The following WDR72 variants were observed in gnomAD, a reference collection of about 807,000 sequenced individuals.
WDR72 encodes the protein WD repeat domain 72.
WDR72 carries 120 observed loss-of-function variants against 124.2 expected under a neutral mutation model. The observed-to-expected ratio is 0.97, with a 90% CI of 0.83 to 1.12. The LOEUF (loss-of-function observed/expected upper bound fraction) is 1.12. WDR72 is among the 50% of genes most tolerant of loss of function. WDR72 has a pLI of 0.00. For missense variants in WDR72, 1,387 were observed against 1,278.8 expected (o/e 1.08, Z -1.29); for synonymous variants, 452 against 441.7 (o/e 1.02, Z -0.29).
At chr15:53,732,965 T>C in intron 2 of WDR72, 32 bp downstream of exon 2, 1 of 1,613,790 alleles carries the variant, frequency 6.2e-7, no homozygotes, top group Non-Finnish European at 8.5e-7. Flanking sequence ...TTGTGAGTGG[T>C]GTCTGTTTCA....
chr15:53,659,310 C>G (rs572063213), intron 14 of WDR72, among the ~76,000 whole-genome samples: 1 of 152,158 alleles, frequency 6.6e-6, no homozygotes, highest in African/African-American at 2.4e-5. Flanking sequence ...ATTTGTCACA[C>G]GAGTCAGAAC....
intron 10 of WDR72, among the ~76,000 whole-genome samples, chr15:53,705,590 G>C (rs2017328896): frequency 1.3e-5 from 2 of 152,134 alleles, no homozygotes; most frequent in African/African-American, 4.8e-5. Context: ...AGCCTCCTGA[G>C]TAGCTGGGAT....
chr15:53,540,672 T>C (rs1174519440), intron 18 of WDR72, among the ~76,000 whole-genome samples: 2 of 151,888 alleles, frequency 1.3e-5, no homozygotes, highest in Non-Finnish European at 1.5e-5. Context: ...AGCTCCGGTC[T>C]ACAGCTCCCA....
intron 11 of WDR72, among the ~76,000 whole-genome samples, chr15:53,702,732 G>A (rs2017222572): frequency 6.6e-6 from 1 of 152,090 alleles, no homozygotes; most frequent in Non-Finnish European, 1.5e-5. Flanking sequence ...AATTAGCTAG[G>A]TGTGGTAGCT....
intron 18 of WDR72, among the ~76,000 whole-genome samples, chr15:53,584,161 T>C (rs2012079708): frequency 6.6e-6 from 1 of 151,946 alleles, no homozygotes; most frequent in East Asian, 1.9e-4. Flanking sequence ...CGATTACAGA[T>C]GAATAAAAGG....
intron 14 of WDR72, among the ~76,000 whole-genome samples, chr15:53,645,060 T>C (rs1295657780): frequency 6.6e-6 from 1 of 152,194 alleles, no homozygotes; most frequent in East Asian, 1.9e-4. Context: ...CTTTCAGCAA[T>C]GACTTTACTG....
At chr15:53,737,815 TATATAG>T (rs1228037850) in intron 1 of WDR72, among the ~76,000 whole-genome samples, 2 of 152,156 alleles carry the variant, frequency 1.3e-5, no homozygotes, top group Non-Finnish European at 2.9e-5. Context: ...ATCACAAAAA[TATATAG>T]ATTCCTGCAT....
intron 14 of WDR72, among the ~76,000 whole-genome samples, chr15:53,648,859 T>A (rs3985793): frequency 0.054 from 7,995 of 147,162 alleles, 813 homozygotes; most frequent in African/African-American, 0.21. Flanking sequence ...ATTGACAAGA[T>A]CAAGCTTGTA....
chr15:53,524,811 A>G (rs749314062), intron 18 of WDR72, among the ~76,000 whole-genome samples: 1 of 152,082 alleles, frequency 6.6e-6, no homozygotes, highest in Non-Finnish European at 1.5e-5. Flanking sequence ...TGATCTTTTC[A>G]TTTTCATCCA....
At chr15:53,522,137 T>C (rs1891836326) in intron 19 of WDR72, among the ~76,000 whole-genome samples, 1 of 152,000 alleles carries the variant, frequency 6.6e-6, no homozygotes, top group South Asian at 2.1e-4. Context: ...ACTGCGCCTA[T>C]TGGGGTTCCG....
At chr15:53,657,069 C>A (rs892986741) in intron 14 of WDR72, among the ~76,000 whole-genome samples, 3 of 151,734 alleles carry the variant, frequency 2.0e-5, no homozygotes, top group Non-Finnish European at 4.4e-5. Context: ...TCGAGACCAT[C>A]CTGGCTAACA....
At chr15:53,665,208 T>G (rs1221517438) in intron 14 of WDR72, among the ~76,000 whole-genome samples, 1 of 147,932 alleles carries the variant, frequency 6.8e-6, no homozygotes, top group East Asian at 2.2e-4. Flanking sequence ...ATTTTTTTTT[T>G]GTTTATTTTC....
chr15:53,604,514 CG>C (rs1566979379), intron 17 of WDR72, among the ~76,000 whole-genome samples: 1 of 151,982 alleles, frequency 6.6e-6, no homozygotes, highest in African/African-American at 2.4e-5. Flanking sequence ...TTCTGCACAG[CG>C]AAAGAAACTA....
At chr15:53,626,172 C>A (rs184641587) in intron 14 of WDR72, among the ~76,000 whole-genome samples, 1 of 152,240 alleles carries the variant, frequency 6.6e-6, no homozygotes, top group Non-Finnish European at 1.5e-5. Context: ...TGGTGGCAAG[C>A]CTCGTGTTCT....
At chr15:53,715,811 G>A (rs1012941398) in intron 4 of WDR72, among the ~76,000 whole-genome samples, 1 of 152,136 alleles carries the variant, frequency 6.6e-6, no homozygotes, top group Non-Finnish European at 1.5e-5. Flanking sequence ...GCAAGACCCT[G>A]TCTCTTAAAG....
chr15:53,528,957 A>T (rs915820420), intron 18 of WDR72, among the ~76,000 whole-genome samples: 5 of 151,910 alleles, frequency 3.3e-5, no homozygotes, highest in Non-Finnish European at 7.4e-5. Flanking sequence ...AAAACTTTTT[A>T]AAAATCAATG....
intron 13 of WDR72, chr15:53,684,109 T>C (rs2016504755): frequency 6.6e-6 from 1 of 152,168 alleles, no homozygotes; most frequent in African/African-American, 2.4e-5. Context: ...CGTTAATATA[T>C]AAAAGAAAGA....
intron 13 of WDR72, among the ~76,000 whole-genome samples, chr15:53,677,944 A>C (rs772689686): frequency 2.6e-5 from 4 of 152,206 alleles, no homozygotes; most frequent in Non-Finnish European, 4.4e-5. Context: ...AGAATAAGTG[A>C]CAGGGTATTA....
chr15:53,753,242 T>C (rs1172135267), intron 1 of WDR72, among the ~76,000 whole-genome samples: 1 of 152,214 alleles, frequency 6.6e-6, no homozygotes, highest in African/African-American at 2.4e-5. Flanking sequence ...CAATCCATTT[T>C]TCCTCCTAGA....
Sources: gnomAD v4.1 joint callset for allele counts (sites outside exome capture counted in the v4.1 genomes callset) on GRCh38, gnomAD v4.1.1 for gene constraint, MANE v1.5 for transcripts, NCBI Gene and HGNC (gene_info 2026-07-23, HGNC 2026-07-21) for gene names.